The following NAB1 variants were observed in gnomAD, a reference collection of about 807,000 sequenced individuals.
The protein encoded by NAB1 is NGFI-A-binding protein 1.
NAB1 carries 25 observed loss-of-function variants against 49.9 expected under a neutral mutation model. The ratio of observed to expected loss-of-function variants is 0.50; its 90% CI spans 0.37 to 0.70. The LOEUF is 0.70. Ranked by LOEUF, NAB1 falls within the 30% of genes least tolerant of loss-of-function variation. NAB1 has a pLI of 0.00. For missense variants in NAB1, 489 were observed against 575.9 expected (o/e 0.85, Z 1.54); for synonymous variants, 198 against 215.6 (o/e 0.92, Z 0.71).
chr2:190,658,277 G>T lies in NAB1; in HGVS notation c.-19-881G>T, dbSNP rs564625073. 3.3e-5 allele frequency among the ~76,000 whole-genome samples: 5 copies of T among 152,206 alleles called. 1 individual carries two copies. In the South Asian group the frequency reaches 1.0e-3, roughly 32 times the overall value. On this transcript the variant is annotated intron_variant, in intron 3 of 9. Coordinates refer to ENST00000337386, the MANE Select transcript of NAB1 (RefSeq NM_005966.4). Reference sequence around the variant, plus strand: ...TAGATTCTAGTCTATTATTTTGCATGCAGGGCCATTCTACATAAGCCTTCT... The same window carrying T: ...TAGATTCTAGTCTATTATTTTGCATTCAGGGCCATTCTACATAAGCCTTCT...
chr2:190,658,165 G>A (rs1464787560), intron 3 of NAB1, among the ~76,000 whole-genome samples: 1 of 152,098 alleles, frequency 6.6e-6, no homozygotes, highest in Non-Finnish European at 1.5e-5. Flanking sequence ...TTTCTTCCTT[G>A]GCTCTGTCTT....
In NAB1 at chr2:190,649,701, G is replaced by C. The variant is rs1224194850; in HGVS notation, c.-333-145G>C. 6.6e-6 allele frequency: 1 copy of C among 152,326 alleles called. No individual in the cohort carries two copies. Among genetic ancestry groups the C allele is most frequent in the Non-Finnish European group, 1.5e-5 (1 of 68,192 alleles). The allele number at this position is 152,326 out of a possible 1,614,324, so 9.4% of individuals were successfully genotyped here. A position where few individuals can be genotyped will look rare whatever the true frequency, so the allele number is the denominator to read the frequency against. ...GGCGCTCTGGGGGTGTGCGATGTGG[G>C]TTGTGCGCGCCGGCCCCAGAGTTTT... On this transcript the variant is annotated intron_variant, in intron 1 of 9. Transcript: ENST00000337386. This position sits in a 1 kb window ranked among gnomAD's most constrained non-coding sequence, Gnocchi z 6.1.
rs1366653194 is a variant in NAB1 at position 190,690,362 on chromosome 2, A to T, written c.*29A>T. On this transcript the variant is annotated 3_prime_UTR_variant, in exon 10 of 10. Transcript: ENST00000337386. ...TGATTTCTCTCACCGTTCTCTGGAA[A>T]TGGCATCAGATTTAAGGATAATACT... is the stretch of plus-strand genomic sequence containing the variant. 1 of 1,499,176 alleles carries T rather than the reference A, an allele frequency of 6.7e-7. No individual in the cohort carries two copies. The highest frequency in any genetic ancestry group is 9.3e-7 in the Non-Finnish European group (1 of 1,077,458). The allele number at this position is 1,499,176 out of a possible 1,614,324, so 92.9% of individuals were successfully genotyped here.
At chr2:190,650,983 A>G (rs1693635519) in intron 2 of NAB1, among the ~76,000 whole-genome samples, 1 of 152,114 alleles carries the variant, frequency 6.6e-6, no homozygotes, top group Non-Finnish European at 1.5e-5. Flanking sequence ...TATTTTTACC[A>G]TTTTGCACTA....
rs1376646011 is a variant in NAB1, at chr2:190,680,825, T to G, written c.1006-2913T>G. On this transcript the variant is annotated intron_variant, in intron 6 of 9. Coordinates refer to ENST00000337386, the MANE Select transcript of NAB1 (RefSeq NM_005966.4). The surrounding 1 kb of genome is among the most constrained non-coding windows in gnomAD (Gnocchi z 5.2). Reference sequence around the variant, plus strand: ...ACTCTGATTAAATCTGGTGGCTTTTTGGATGAACTTAACAGATATCAGTAA... The same window carrying G: ...ACTCTGATTAAATCTGGTGGCTTTTGGGATGAACTTAACAGATATCAGTAA... Among the ~76,000 whole-genome samples, 1 of 151,802 alleles carries G rather than the reference T, an allele frequency of 6.6e-6. No homozygotes were observed. The highest frequency in any genetic ancestry group is 2.4e-5 in the African/African-American group (1 of 41,074).
chr2:190,685,498 A>G lies in NAB1; in HGVS notation c.1118A>G (p.Lys373Arg), dbSNP rs750107656. The part of the protein sequence containing the change: ...SSQQPEKVMA[K>R]QMEFLCNQAG... The stretch of plus-strand genomic sequence containing the variant: ...TAGCAGCCTGAAAAGGTGATGGCAA[A>G]GCAGATGGAGTTCCTTTGCAACCAA... The change falls in exon 8 of 10, where the codon AAG becomes AGG. Residue 373 changes from lysine (K) to arginine (R), a missense_variant. By Grantham distance (26) the Lys-to-Arg change is conservative. Coordinates refer to ENST00000337386, the MANE Select transcript of NAB1 (RefSeq NM_005966.4). The surrounding 1 kb of genome is among the most constrained non-coding windows in gnomAD (Gnocchi z 4.5). The G allele has an allele frequency of 1.2e-6, 2 of 1,611,796 alleles. No individual in the cohort carries two copies. The highest frequency in any genetic ancestry group is 1.7e-5 in the Admixed American group (1 of 59,460).
Position 190,663,449 on chromosome 2 carries a change from AC to A in NAB1, c.819+3455del, listed in dbSNP as rs1694326970. Among the ~76,000 whole-genome samples, 2 of 152,156 alleles carry A rather than the reference AC, an allele frequency of 1.3e-5. No homozygotes were observed. Among genetic ancestry groups the A allele is most frequent in the African/African-American group, 4.8e-5 (2 of 41,416 alleles). ...TTTATAAATAAATTTTTATTGGCAC[AC>A]AGCTGGGCCTATTTATTTATGTACT... On this transcript the variant is annotated intron_variant, in intron 4 of 9. Transcript: ENST00000337386. This position sits in a 1 kb window ranked among gnomAD's most constrained non-coding sequence, Gnocchi z 4.2.
At position 190,649,258 on chromosome 2, in the gene NAB1, C is replaced by T. The variant is rs1045713063; in HGVS notation, c.-436C>T. 31 of 152,100 alleles carry T rather than the reference C, an allele frequency of 2.0e-4. No homozygotes were observed. Among genetic ancestry groups the T allele is most frequent in the African/African-American group, 6.7e-4 (28 of 41,528 alleles). 9.4% of individuals were successfully genotyped at this position (152,100 alleles called of 1,614,324 possible). ...CGATGGGAGCGGGGGCGTCCCGGCTCCTGCAGCCGCCAGAGGAGGGAGAGC... is the reference window on the plus strand; with the variant it reads ...CGATGGGAGCGGGGGCGTCCCGGCTTCTGCAGCCGCCAGAGGAGGGAGAGC... On this transcript the variant is annotated 5_prime_UTR_variant, in exon 1 of 10. Coordinates refer to ENST00000337386, the MANE Select transcript of NAB1 (RefSeq NM_005966.4). The surrounding 1 kb of genome is among the most constrained non-coding windows in gnomAD (Gnocchi z 6.1).
rs1259887685 is a variant in NAB1, at chr2:190,651,641, G to T, written c.-197+1659G>T. Among the ~76,000 whole-genome samples, 5 of 152,114 alleles carry T rather than the reference G, an allele frequency of 3.3e-5. No individual in the cohort carries two copies. The highest frequency in any genetic ancestry group is 2.1e-4 in the South Asian group (1 of 4,828). ...AAGGGATTATCCCACCTTAGCCTCC[G>T]AAGTTATGTCAGGTTTCATTGGCCT... is the stretch of plus-strand genomic sequence containing the variant. On this transcript the variant is annotated intron_variant, in intron 2 of 9. Coordinates refer to ENST00000337386, the MANE Select transcript of NAB1 (RefSeq NM_005966.4). This position sits in a 1 kb window ranked among gnomAD's most constrained non-coding sequence, Gnocchi z 4.3.
intron 4 of NAB1, among the ~76,000 whole-genome samples, chr2:190,668,510 A>G (rs1027609749): frequency 6.6e-6 from 1 of 152,198 alleles, no homozygotes; most frequent in African/African-American, 2.4e-5. Flanking sequence ...CCAGATGCTA[A>G]TGTAAACAAG....
chr2:190,670,462 A>G lies in NAB1; in HGVS notation c.953+3A>G, dbSNP rs1459746762. On this transcript the variant is annotated splice_donor_region_variant and intron_variant, in intron 5 of 9. Transcript: ENST00000337386. This position sits in a 1 kb window ranked among gnomAD's most constrained non-coding sequence, Gnocchi z 5.3. ...AAATATACTTACAGAACCACCAAGT[A>G]AGTATTTAACTAATCGTCATTATTT... 2 of 1,613,258 alleles carry G rather than the reference A, an allele frequency of 1.2e-6. No homozygotes were observed. The highest frequency in any genetic ancestry group is 2.2e-5 in the East Asian group (1 of 44,860).
rs904842724 is a variant in NAB1 at position 190,678,354 on chromosome 2, T to A, written c.1005+5202T>A. On this transcript the variant is annotated intron_variant, in intron 6 of 9. Transcript: ENST00000337386. This position sits in a 1 kb window ranked among gnomAD's most constrained non-coding sequence, Gnocchi z 4.9. The stretch of plus-strand genomic sequence containing the variant: ...ACACATTCAGTTCCATGAACAAATT[T>A]GTTATTAACTCCAATGTTATAAGTA... Among the ~76,000 whole-genome samples the A allele has an allele frequency of 6.6e-6, 1 of 152,222 alleles. No individual in the cohort carries two copies. The highest frequency in any genetic ancestry group is 1.5e-5 in the Non-Finnish European group (1 of 68,042).
Position 190,670,495 on chromosome 2 carries a change from G to T in NAB1, c.953+36G>T. On this transcript the variant is annotated intron_variant, in intron 5 of 9. Transcript: ENST00000337386. This position sits in a 1 kb window ranked among gnomAD's most constrained non-coding sequence, Gnocchi z 5.3. ...AACTAATCGTCATTATTTTTGCATT[G>T]CTTGAGAGAAGTAGAGTTCGAAACA... The T allele has an allele frequency of 6.2e-7, 1 of 1,606,276 alleles. No homozygotes were observed. The highest frequency in any genetic ancestry group is 8.5e-7 in the Non-Finnish European group (1 of 1,175,054).
At position 190,654,354 on chromosome 2, in the gene NAB1, T is replaced by C. The variant is rs1693817089; in HGVS notation, c.-196-1623T>C. On this transcript the variant is annotated intron_variant, in intron 2 of 9. Coordinates refer to ENST00000337386, the MANE Select transcript of NAB1 (RefSeq NM_005966.4). This position sits in a 1 kb window ranked among gnomAD's most constrained non-coding sequence, Gnocchi z 5.6. ...CTTTCCTCTGTTCCCCAGAACTGGC[T>C]TAGTTGTTGGTGTTATTTGAATAAG... 6.6e-6 allele frequency among the ~76,000 whole-genome samples: 1 copy of C among 152,198 alleles called. No homozygotes were observed. The highest frequency in any genetic ancestry group is 1.5e-5 in the Non-Finnish European group (1 of 68,036).
At chr2:190,658,809 C>G (rs1694066088) in intron 3 of NAB1, among the ~76,000 whole-genome samples, 1 of 152,234 alleles carries the variant, frequency 6.6e-6, no homozygotes, top group Non-Finnish European at 1.5e-5. Context: ...TTACCTCCTG[C>G]TAAATTTGAC....
At chr2:190,656,502 A>G (rs1312658539) in intron 3 of NAB1, among the ~76,000 whole-genome samples, 1 of 152,160 alleles carries the variant, frequency 6.6e-6, no homozygotes, top group South Asian at 2.1e-4. Flanking sequence ...GCCTCCAGGG[A>G]CCGAATTGGT....
intron 3 of NAB1, among the ~76,000 whole-genome samples, chr2:190,658,612 A>C (rs545678995): frequency 2.6e-5 from 4 of 152,036 alleles, no homozygotes; most frequent in African/African-American, 9.7e-5. Flanking sequence ...CTCACCTCCA[A>C]TTCATACTGA....
chr2:190,670,456 C>T lies in NAB1; in HGVS notation c.950C>T (p.Thr317Ile), dbSNP rs199997143. The change falls in exon 5 of 10, where the codon ACC (threonine) becomes ATC (isoleucine). Residue 317 changes from threonine to isoleucine, a missense_variant. By Grantham distance (89) the Thr-to-Ile change is moderately conservative (BLOSUM62 -1). Around this residue, in one of 4 missense-constraint regions of NAB1, gnomAD observed 212 missense variants for 199.3 expected, o/e 1.06. Coordinates refer to ENST00000337386, the MANE Select transcript of NAB1 (RefSeq NM_005966.4). This position sits in a 1 kb window ranked among gnomAD's most constrained non-coding sequence, Gnocchi z 5.3. ...ACCTATAAATATACTTACAGAACCA[C>T]CAAGTAAGTATTTAACTAATCGTCA... ...EVTYKYTYRT[T>I]KSKCGERDEL... 1.4e-5 allele frequency: 22 copies of T among 1,612,952 alleles called. No homozygotes were observed. Among genetic ancestry groups the T allele is most frequent in the Non-Finnish European group, 1.7e-5 (20 of 1,179,628 alleles).
chr2:190,668,597 G>T (rs1278949095), intron 4 of NAB1, among the ~76,000 whole-genome samples: 2 of 152,174 alleles, frequency 1.3e-5, no homozygotes, highest in African/African-American at 2.4e-5. Context: ...TTACAAATTT[G>T]TATGTACATA....
Sources: allele counts gnomAD v4.1 joint callset (sites outside exome capture counted in the v4.1 genomes callset), GRCh38; gene constraint gnomAD v4.1.1; regional missense constraint gnomAD v4.1.1; non-coding constraint Gnocchi (gnomAD v3.1); transcripts MANE v1.5; gene names NCBI Gene and HGNC (gene_info 2026-07-23, HGNC 2026-07-21).